The following CCDC138 variants were observed in gnomAD, a reference collection of about 807,000 sequenced individuals.
CCDC138 encodes coiled-coil domain containing 138.
CCDC138 carries 66 observed loss-of-function variants against 82.3 expected under a neutral mutation model. That is an observed-to-expected ratio of 0.80 (90% CI 0.66 to 0.98). The LOEUF (loss-of-function observed/expected upper bound fraction) is 0.98, where lower values mean the gene tolerates loss of function less well. Among genes scored for constraint, CCDC138 ranks in the 50% least tolerant of loss-of-function variants. The pLI, the probability that CCDC138 is intolerant of heterozygous loss-of-function variation, is 0.00. For missense variants in CCDC138, 816 were observed against 758.9 expected, an observed-to-expected ratio of 1.08 and a Z score of -0.88; for synonymous variants, 297 against 265.4, an observed-to-expected ratio of 1.12 and a Z score of -1.16.
At chr2:108,814,451 T>G (rs531863233) in intron 9 of CCDC138, among the ~76,000 whole-genome samples, 3 of 152,184 alleles carry the variant, frequency 2.0e-5, no homozygotes, top group Non-Finnish European at 4.4e-5. Context: ...TAATCGAAGT[T>G]TTCATCTAAA....
At chr2:108,828,358 C>T (rs900137542) in intron 10 of CCDC138, among the ~76,000 whole-genome samples, 3 of 151,994 alleles carry the variant, frequency 2.0e-5, no homozygotes, top group Admixed American at 2.0e-4. Context: ...TACTACTTAT[C>T]CTAAAATTGA....
chr2:108,855,792 T>C (rs965166543), intron 12 of CCDC138, among the ~76,000 whole-genome samples: 1 of 152,200 alleles, frequency 6.6e-6, no homozygotes, highest in African/African-American at 2.4e-5. Context: ...TTATGTAAGC[T>C]GAAACAGCAA....
chr2:108,828,145 A>G (rs1018547496), intron 10 of CCDC138, among the ~76,000 whole-genome samples: 1 of 152,208 alleles, frequency 6.6e-6, no homozygotes, highest in African/African-American at 2.4e-5. Context: ...GTTCTATACC[A>G]TACTTCTTAA....
intron 13 of CCDC138, among the ~76,000 whole-genome samples, chr2:108,857,453 T>C (rs1692811705): frequency 6.6e-6 from 1 of 152,146 alleles, no homozygotes; most frequent in South Asian, 2.1e-4. Flanking sequence ...AGGTAACTTC[T>C]CCAGGGATTC....
chr2:108,827,000 A>T (rs528757687), intron 10 of CCDC138, among the ~76,000 whole-genome samples: 1 of 152,190 alleles, frequency 6.6e-6, no homozygotes, highest in African/African-American at 2.4e-5. Context: ...CTTTTTGATG[A>T]TGTCAAAAAT....
intron 4 of CCDC138, among the ~76,000 whole-genome samples, chr2:108,793,718 T>A (rs1424664925): frequency 4.6e-5 from 7 of 151,740 alleles, no homozygotes; most frequent in Non-Finnish European, 1.0e-4. Context: ...TGCCTCAGCC[T>A]CCCGAGTAGC....
chr2:108,848,044 A>G (rs1306500357), intron 12 of CCDC138, among the ~76,000 whole-genome samples: 1 of 152,206 alleles, frequency 6.6e-6, no homozygotes, highest in Non-Finnish European at 1.5e-5. Flanking sequence ...CTAAATAAGA[A>G]TTTTAGCTGA....
At chr2:108,806,136 T>C (rs1682842170) in intron 7 of CCDC138, among the ~76,000 whole-genome samples, 1 of 152,220 alleles carries the variant, frequency 6.6e-6, no homozygotes. Context: ...GATCTAATTC[T>C]TTAGCTTCCT....
chr2:108,824,696 TATC>T (rs1018720027), intron 10 of CCDC138, among the ~76,000 whole-genome samples: 1 of 152,218 alleles, frequency 6.6e-6, no homozygotes, highest in African/African-American at 2.4e-5. Context: ...TTATTATCTT[TATC>T]AAGTAGTATG....
intron 11 of CCDC138, among the ~76,000 whole-genome samples, chr2:108,844,811 G>A (rs967923476): frequency 2.7e-5 from 4 of 148,762 alleles, no homozygotes; most frequent in African/African-American, 1.0e-4. Flanking sequence ...GCAGTGGCAC[G>A]ATCTCGGCTC....
At chr2:108,870,618 G>T (rs1187752874) in intron 13 of CCDC138, among the ~76,000 whole-genome samples, 1 of 152,190 alleles carries the variant, frequency 6.6e-6, no homozygotes, top group Non-Finnish European at 1.5e-5. Flanking sequence ...AGTAAATGTG[G>T]TATGTACATA....
chr2:108,840,784 ATTTCTTTTTTTCTTTT>A lies in CCDC138; in HGVS notation c.1323+1501_1323+1516del, dbSNP rs112943081. Among the ~76,000 whole-genome samples the A allele has an allele frequency of 3.2e-4, 48 of 148,610 alleles. 2 individuals are homozygous for A. The highest frequency in any genetic ancestry group is 8.0e-4 in the Admixed American group (12 of 14,990). On this transcript the variant is annotated intron_variant, in intron 11 of 14. Coordinates refer to ENST00000295124, the MANE Select transcript of CCDC138 (RefSeq NM_144978.3). ...TTTCAAAGGATCATCTCTTTGTTTC[ATTTCTTTTTTTCTTTT>A]TTTCTTTTTTTCTTTTTATTTTTTT... is the stretch of plus-strand genomic sequence containing the variant.
At chr2:108,825,497 C>T (rs1312780122) in intron 10 of CCDC138, among the ~76,000 whole-genome samples, 1 of 151,970 alleles carries the variant, frequency 6.6e-6, no homozygotes, top group Non-Finnish European at 1.5e-5. Context: ...CCTAGGCAAC[C>T]ACTAATCTGC....
intron 13 of CCDC138, among the ~76,000 whole-genome samples, chr2:108,870,311 C>T (rs900648989): frequency 2.6e-5 from 4 of 151,782 alleles, no homozygotes; most frequent in Admixed American, 2.0e-4. Flanking sequence ...TGATCAAGTC[C>T]GAGGAACAAA....
chr2:108,827,726 G>A, intron 10 of CCDC138, among the ~76,000 whole-genome samples: 1 of 151,040 alleles, frequency 6.6e-6, no homozygotes, highest in African/African-American at 2.4e-5. Context: ...TGAGGCAGGA[G>A]AATGGCATGA....
intron 11 of CCDC138, among the ~76,000 whole-genome samples, chr2:108,843,886 C>CTTTTT (rs57196170): frequency 3.2e-5 from 3 of 94,014 alleles, no homozygotes; most frequent in African/African-American, 5.3e-5. Context: ...GTGTTTCTTT[C>CTTTTT]TTTTTTTTTT....
chr2:108,812,328 T>C (rs1684006494), intron 7 of CCDC138, among the ~76,000 whole-genome samples: 2 of 152,300 alleles, frequency 1.3e-5, no homozygotes, highest in Non-Finnish European at 2.9e-5. Context: ...TTTATATGTG[T>C]TATAGTTCAG....
chr2:108,804,178 A>G (rs1438373961), intron 6 of CCDC138, among the ~76,000 whole-genome samples: 3 of 152,136 alleles, frequency 2.0e-5, no homozygotes, highest in Non-Finnish European at 4.4e-5. Context: ...AATTAATTCA[A>G]TTTTTTGATT....
intron 2 of CCDC138, chr2:108,884,981 A>G (rs1374607215): frequency 6.6e-6 from 1 of 152,236 alleles, no homozygotes; most frequent in Non-Finnish European, 1.5e-5. Context: ...AGTTACATCA[A>G]AATTTCTTCC....
Sources: gnomAD v4.1 joint callset for allele counts (sites outside exome capture counted in the v4.1 genomes callset) on GRCh38, gnomAD v4.1.1 for gene constraint, MANE v1.5 for transcripts, NCBI Gene and HGNC (gene_info 2026-07-23, HGNC 2026-07-21) for gene names.